LIMA1: variants seen among roughly 807,000 people sequenced by gnomAD.
LIMA1 encodes the protein LIM domain and actin-binding protein 1.
Under a neutral mutation model 62.6 loss-of-function variants are expected in LIMA1, and 52 were observed. The ratio of observed to expected loss-of-function variants is 0.83; its 90% confidence interval spans 0.67 to 1.05. The LOEUF (loss-of-function observed/expected upper bound fraction) is 1.05. Ranked by LOEUF, LIMA1 falls within the 50% of genes least tolerant of loss-of-function variation. The pLI is 0.00. For synonymous variants in LIMA1, 302 were observed against 317.8 expected, an observed-to-expected ratio of 0.95 and a Z score of 0.53; for missense variants, 780 against 902.2, an observed-to-expected ratio of 0.86 and a Z score of 1.74.
At chr12:50,267,639 C>T (rs1942155851) in intron 1 of LIMA1, among the ~76,000 whole-genome samples, 1 of 152,020 alleles carries the variant, frequency 6.6e-6, no homozygotes, top group South Asian at 2.1e-4. Context: ...CCTGCCTCAG[C>T]CTCCTGAGTA....
intron 2 of LIMA1, among the ~76,000 whole-genome samples, chr12:50,243,202 T>C (rs1024866372): frequency 6.6e-6 from 1 of 152,222 alleles, no homozygotes; most frequent in African/African-American, 2.4e-5. Context: ...TCTATACATA[T>C]AAACACAAAA....
chr12:50,201,579 A>G (rs905531325), intron 6 of LIMA1: 74 of 935,400 alleles, frequency 7.9e-5, no homozygotes, highest in Non-Finnish European at 8.9e-5. Context: ...TGAATATTAC[A>G]ATTAACTCAT....
intron 2 of LIMA1, 144 bp downstream of exon 2, chr12:50,248,489 C>T (rs1941882108): frequency 5.1e-6 from 3 of 590,880 alleles, no homozygotes; most frequent in Non-Finnish European, 9.2e-6. Context: ...TCCTCCTTCT[C>T]CACAGTACCT....
intron 9 of LIMA1, among the ~76,000 whole-genome samples, chr12:50,190,496 T>C (rs1940734474): frequency 6.6e-6 from 1 of 150,726 alleles, no homozygotes; most frequent in African/African-American, 2.4e-5. Context: ...GCTTCCCAAG[T>C]AGCTGGGATT....
At chr12:50,236,696 G>A (rs992139757) in intron 2 of LIMA1, among the ~76,000 whole-genome samples, 11 of 151,898 alleles carry the variant, frequency 7.2e-5, no homozygotes, top group Non-Finnish European at 1.2e-4. Context: ...TGCTTCTTCC[G>A]TCTTTCTTGC....
At chr12:50,243,022 T>C (rs971434725) in intron 2 of LIMA1, among the ~76,000 whole-genome samples, 1 of 152,232 alleles carries the variant, frequency 6.6e-6, no homozygotes, top group African/African-American at 2.4e-5. Flanking sequence ...AGGATCATAT[T>C]ATGCTGAAGT....
chr12:50,254,874 A>G (rs1352233132), intron 1 of LIMA1, among the ~76,000 whole-genome samples: 1 of 152,044 alleles, frequency 6.6e-6, no homozygotes. Context: ...AGCCTGGCCA[A>G]CATGGTAAAA....
chr12:50,211,813 C>CACACAT (rs3073656), intron 4 of LIMA1, among the ~76,000 whole-genome samples: 1 of 151,958 alleles, frequency 6.6e-6, no homozygotes, highest in African/African-American at 2.4e-5. Context: ...CACACACACA[C>CACACAT]GAATTCTGAT....
intron 10 of LIMA1, among the ~76,000 whole-genome samples, chr12:50,178,299 C>A (rs1337794958): frequency 6.6e-6 from 1 of 152,074 alleles, no homozygotes; most frequent in Non-Finnish European, 1.5e-5. Flanking sequence ...GTAATCCCAG[C>A]GCTTTGGGAG....
At chr12:50,268,928 A>T (rs1053071420) in intron 1 of LIMA1, among the ~76,000 whole-genome samples, 3 of 152,270 alleles carry the variant, frequency 2.0e-5, no homozygotes, top group Middle Eastern at 6.8e-3. Flanking sequence ...GGCTGTCTGG[A>T]CCGGTCTTAT....
In LIMA1 at chr12:50,192,511, G is replaced by A. The variant is rs1287430789; in HGVS notation, c.1081C>T (p.Leu361=). 4 of 1,614,182 alleles carry A rather than the reference G, an allele frequency of 2.5e-6. No individual in the cohort carries two copies. Among genetic ancestry groups the A allele is most frequent in the East Asian group, 2.2e-5 (1 of 44,892 alleles). ...CTGGAGGCTCTGGAATCTGGACTTA[G>A]TGGCTTGGGATGGACAGGCTGTTGA... ...EVQQPVHPKP[L]SPDSRASSLS... Residue 361 remains leucine (L), a synonymous_variant, in exon 9 of 11, where the codon CTA becomes TTA. Coordinates refer to ENST00000341247, the MANE Select transcript of LIMA1 (RefSeq NM_016357.5).
rs774597261 is a variant in LIMA1 at position 50,222,261 on chromosome 12, G to A, written c.390C>T (p.Leu130=). Residue 130 remains leucine, a synonymous_variant, in exon 4 of 11, where the codon CTC becomes CTT. Coordinates refer to ENST00000341247, the MANE Select transcript of LIMA1 (RefSeq NM_016357.5). ...GAACGAGGGCTTCAGGAGGTGACCTGAGTCTAGATCTGGGGTGGATTTGTT... is the reference window on the plus strand; with the variant it reads ...GAACGAGGGCTTCAGGAGGTGACCTAAGTCTAGATCTGGGGTGGATTTGTT... ...QEEQIHPRSR[L]RSPPEALVQG... 2 of 1,614,058 alleles carry A rather than the reference G, an allele frequency of 1.2e-6. No homozygotes were observed. The highest frequency in any genetic ancestry group is 2.7e-5 in the African/African-American group (2 of 74,924).
intron 3 of LIMA1, among the ~76,000 whole-genome samples, chr12:50,228,243 C>G (rs143328364): frequency 6.6e-6 from 1 of 152,232 alleles, no homozygotes; most frequent in East Asian, 1.9e-4. Context: ...ACATCTTATT[C>G]TTCTTGTGTC....
intron 6 of LIMA1, chr12:50,201,318 G>A: frequency 1.0e-6 from 1 of 987,750 alleles, no homozygotes; most frequent in Non-Finnish European, 1.2e-6. Context: ...ATATATAAAT[G>A]CCCGGCCTGG....
At chr12:50,257,264 A>G (rs1685298323) in intron 1 of LIMA1, among the ~76,000 whole-genome samples, 1 of 152,178 alleles carries the variant, frequency 6.6e-6, no homozygotes, top group Non-Finnish European at 1.5e-5. Context: ...ATTTTACATT[A>G]CTTAGAACCA....
chr12:50,215,206 A>G (rs1004204254), intron 4 of LIMA1, among the ~76,000 whole-genome samples: 1 of 152,220 alleles, frequency 6.6e-6, no homozygotes, highest in Non-Finnish European at 1.5e-5. Flanking sequence ...TAAACAAAAT[A>G]CCAAGTGTCA....
chr12:50,261,943 A>G (rs536057262), intron 1 of LIMA1, among the ~76,000 whole-genome samples: 2 of 152,378 alleles, frequency 1.3e-5, no homozygotes, highest in African/African-American at 4.8e-5. Context: ...GGCATCTGAA[A>G]TAATTTTTTG....
At chr12:50,194,229 T>TC (rs1406714156) in intron 8 of LIMA1, among the ~76,000 whole-genome samples, 3 of 151,426 alleles carry the variant, frequency 2.0e-5, no homozygotes, top group Non-Finnish European at 4.4e-5. Context: ...CCTCAGGTGA[T>TC]CCACCCGCCT....
chr12:50,282,594 G>C (rs1942353400), intron 1 of LIMA1, among the ~76,000 whole-genome samples: 1 of 152,138 alleles, frequency 6.6e-6, no homozygotes, highest in African/African-American at 2.4e-5. Flanking sequence ...CAAACACCTG[G>C]GCTCAAGCGA....
Sources: gnomAD v4.1 joint callset for allele counts (sites outside exome capture counted in the v4.1 genomes callset) on GRCh38, gnomAD v4.1.1 for gene constraint, MANE v1.5 for transcripts, NCBI Gene and HGNC (gene_info 2026-07-23, HGNC 2026-07-21) for gene names.